The following SLIT3 variants were observed in gnomAD, a reference collection of about 807,000 sequenced individuals.
SLIT3 encodes slit guidance ligand 3, also known as slit homolog 3 protein.
A neutral mutation model predicts 184.0 loss-of-function variants in SLIT3; 68 were observed. That is an observed-to-expected ratio of 0.37 (90% confidence interval 0.30 to 0.45). The LOEUF (loss-of-function observed/expected upper bound fraction) is 0.45. Among genes scored for constraint, SLIT3 ranks in the 20% least tolerant of loss-of-function variants. The pLI, the probability that SLIT3 is intolerant of heterozygous loss-of-function variation, is 1.00. For synonymous variants in SLIT3, 831 were observed against 828.6 expected (o/e 1.00, Z -0.05); for missense variants, 1,707 against 2,026.0 (o/e 0.84, Z 3.02).
At chr5:169,084,454 ATT>A (rs56062027) in intron 4 of SLIT3, among the ~76,000 whole-genome samples, 21,659 of 100,768 alleles carry the variant, frequency 0.21, 1,331 homozygotes, top group East Asian at 0.3. Flanking sequence ...CCATGCCCAG[ATT>A]TTTTTTTTTT....
chr5:169,041,572 C>A (rs139840018), intron 4 of SLIT3, among the ~76,000 whole-genome samples: 1 of 152,328 alleles, frequency 6.6e-6, no homozygotes, highest in African/African-American at 2.4e-5. Flanking sequence ...ATTAGTCCTA[C>A]AGTGCCTGTC....
intron 4 of SLIT3, among the ~76,000 whole-genome samples, chr5:169,002,964 T>G (rs947489088): frequency 6.6e-6 from 1 of 152,260 alleles, no homozygotes; most frequent in African/African-American, 2.4e-5. Context: ...AGAAGAAGTT[T>G]GTCTGAATCT....
chr5:168,840,725 AG>A (rs1758212606), intron 6 of SLIT3, among the ~76,000 whole-genome samples: 1 of 152,242 alleles, frequency 6.6e-6, no homozygotes, highest in Admixed American at 6.5e-5. Context: ...GTAACAGCAG[AG>A]GGTCTGACTC....
chr5:168,886,097 T>C (rs369273579), intron 4 of SLIT3, among the ~76,000 whole-genome samples: 6 of 152,220 alleles, frequency 3.9e-5, no homozygotes, highest in East Asian at 3.8e-4. Flanking sequence ...CCTGTCCCAA[T>C]TGAGCAAAAC....
intron 5 of SLIT3, among the ~76,000 whole-genome samples, chr5:168,846,972 G>T (rs929880107): frequency 1.3e-5 from 2 of 152,128 alleles, no homozygotes; most frequent in Non-Finnish European, 2.9e-5. Flanking sequence ...ATAGCCAAAA[G>T]ATTTTTTTAA....
intron 4 of SLIT3, among the ~76,000 whole-genome samples, chr5:169,002,402 G>C (rs1755746365): frequency 6.8e-6 from 1 of 147,498 alleles, no homozygotes; most frequent in South Asian, 2.2e-4. Flanking sequence ...AGATGGGGCA[G>C]ATGGGGAGAT....
At chr5:168,737,193 C>T (rs1380120512) in intron 20 of SLIT3, among the ~76,000 whole-genome samples, 1 of 152,094 alleles carries the variant, frequency 6.6e-6, no homozygotes, top group African/African-American at 2.4e-5. Context: ...GCGTCGCACT[C>T]CCCCTTCTCC....
intron 4 of SLIT3, chr5:169,030,603 T>A (rs1756994392): frequency 2.0e-5 from 3 of 152,250 alleles, no homozygotes; most frequent in African/African-American, 7.2e-5. Context: ...TGTTTTTGTA[T>A]CTATGGAAAT....
intron 5 of SLIT3, among the ~76,000 whole-genome samples, chr5:168,848,840 C>CATA (rs1253416019): frequency 6.6e-6 from 1 of 152,192 alleles, no homozygotes; most frequent in African/African-American, 2.4e-5. Flanking sequence ...CATTAGTAAG[C>CATA]ATAATATACT....
At chr5:169,242,251 C>T (rs1247452783) in intron 3 of SLIT3, among the ~76,000 whole-genome samples, 3 of 152,198 alleles carry the variant, frequency 2.0e-5, no homozygotes, top group Non-Finnish European at 4.4e-5. Flanking sequence ...GACTATTCAG[C>T]TGTGTATATG....
At chr5:168,762,873 C>A (rs988022007) in intron 14 of SLIT3, among the ~76,000 whole-genome samples, 184 bp from the exon 15 acceptor site, 4 of 152,132 alleles carry the variant, frequency 2.6e-5, no homozygotes, top group African/African-American at 9.7e-5. Flanking sequence ...TGTCCCCAGC[C>A]TTACTGCCTC....
In SLIT3 at chr5:168,692,715, G is replaced by T; in HGVS notation, c.3083-15C>A. 1 of 1,602,478 alleles carries T rather than the reference G, an allele frequency of 6.2e-7. No homozygotes were observed. The highest frequency in any genetic ancestry group is 8.5e-7 in the Non-Finnish European group (1 of 1,169,674). ...GCATAGCTCACCTGGCACAGATGGG[G>T]GAGATAGCTCAGGCCTCAGGCAGGG... is the stretch of plus-strand genomic sequence containing the variant. On this transcript the variant is annotated splice_polypyrimidine_tract_variant and intron_variant, in intron 28 of 35. Coordinates refer to ENST00000519560, the MANE Select transcript of SLIT3 (RefSeq NM_003062.4).
At chr5:168,953,538 C>T (rs1335984783) in intron 4 of SLIT3, among the ~76,000 whole-genome samples, 1 of 152,178 alleles carries the variant, frequency 6.6e-6, no homozygotes, top group African/African-American at 2.4e-5. Flanking sequence ...GCTGGTTCTC[C>T]TCCGTAACGT....
chr5:169,139,810 T>C (rs1761656741), intron 4 of SLIT3, among the ~76,000 whole-genome samples: 1 of 152,106 alleles, frequency 6.6e-6, no homozygotes, highest in Non-Finnish European at 1.5e-5. Flanking sequence ...ACCCCTTCCA[T>C]CCCTGCCAAA....
At chr5:168,868,194 G>C (rs1368652508) in intron 5 of SLIT3, among the ~76,000 whole-genome samples, 1 of 152,198 alleles carries the variant, frequency 6.6e-6, no homozygotes, top group Non-Finnish European at 1.5e-5. Context: ...GATGAAGGAT[G>C]CATGAGGATG....
At chr5:168,878,663 C>T (rs898516066) in intron 5 of SLIT3, among the ~76,000 whole-genome samples, 1 of 151,662 alleles carries the variant, frequency 6.6e-6, no homozygotes, top group East Asian at 1.9e-4. Context: ...CCAACTTATA[C>T]ACATTGATGA....
intron 9 of SLIT3, among the ~76,000 whole-genome samples, chr5:168,799,461 G>A (rs1381819539): frequency 6.6e-6 from 1 of 152,192 alleles, no homozygotes; most frequent in Non-Finnish European, 1.5e-5. Flanking sequence ...CAAAAACAAT[G>A]GGAACATCTG....
intron 3 of SLIT3, among the ~76,000 whole-genome samples, chr5:169,223,315 A>T (rs913226943): frequency 2.3e-4 from 35 of 152,214 alleles, no homozygotes; most frequent in Admixed American, 2.3e-3. Context: ...AGAACGAGTG[A>T]CTGAATCTGC....
intron 9 of SLIT3, among the ~76,000 whole-genome samples, chr5:168,799,072 G>T (rs1027447734): frequency 1.3e-5 from 2 of 152,118 alleles, no homozygotes; most frequent in African/African-American, 4.8e-5. Flanking sequence ...CTCATCCACA[G>T]GGAAAATGGC....
Sources: gnomAD v4.1 joint callset for allele counts (sites outside exome capture counted in the v4.1 genomes callset) on GRCh38, gnomAD v4.1.1 for gene constraint, MANE v1.5 for transcripts, NCBI Gene and HGNC (gene_info 2026-07-23, HGNC 2026-07-21) for gene names.